MAST4: variants seen among roughly 807,000 people sequenced by gnomAD.
MAST4 encodes microtubule-associated serine/threonine-protein kinase 4.
MAST4 carries 89 observed loss-of-function variants against 162.7 expected under a neutral mutation model. The ratio of observed to expected loss-of-function variants is 0.55; its 90% CI spans 0.46 to 0.65. The LOEUF (loss-of-function observed/expected upper bound fraction) is 0.65. Ranked by LOEUF, MAST4 falls within the 30% of genes least tolerant of loss-of-function variation. MAST4 has a pLI of 0.00. For synonymous variants in MAST4, 1,479 were observed against 1,361.1 expected (o/e 1.09, Z -1.91); for missense variants, 3,153 against 3,374.0 (o/e 0.93, Z 1.62).
At chr5:67,039,231 G>C (rs973309710) in intron 4 of MAST4, among the ~76,000 whole-genome samples, 1 of 152,172 alleles carries the variant, frequency 6.6e-6, no homozygotes, top group South Asian at 2.1e-4. Context: ...TTTTCAGTAA[G>C]TTGAGGCATC....
chr5:67,052,580 ATTTAGT>A (rs1371201567), intron 4 of MAST4, among the ~76,000 whole-genome samples: 1 of 152,078 alleles, frequency 6.6e-6, no homozygotes, highest in African/African-American at 2.4e-5. Context: ...CATTTTCTAA[ATTTAGT>A]TTTAAGTATA....
intron 5 of MAST4, among the ~76,000 whole-genome samples, chr5:67,066,887 A>G (rs1194154993): frequency 6.6e-6 from 1 of 152,236 alleles, no homozygotes; most frequent in African/African-American, 2.4e-5. Context: ...ATGACATTTA[A>G]TAAGCATCAA....
chr5:67,085,245 G>A (rs1415302168), intron 5 of MAST4, among the ~76,000 whole-genome samples: 3 of 151,946 alleles, frequency 2.0e-5, no homozygotes, highest in Non-Finnish European at 4.4e-5. Flanking sequence ...CCATTTTTCA[G>A]CAAATCCCGT....
At chr5:66,868,433 A>G (rs71594479) in intron 3 of MAST4, among the ~76,000 whole-genome samples, 1,669 of 150,804 alleles carry the variant, frequency 0.011, 19 homozygotes, top group South Asian at 0.05. Flanking sequence ...ATATATGTAT[A>G]TACATATATA....
chr5:67,064,124 TAGTG>T (rs1328313155), intron 5 of MAST4, among the ~76,000 whole-genome samples: 3 of 152,026 alleles, frequency 2.0e-5, no homozygotes, highest in Non-Finnish European at 4.4e-5. Flanking sequence ...GTATTTAAAA[TAGTG>T]AGAGGGGAGG....
At chr5:66,597,635 C>T (rs1450889369) in intron 1 of MAST4, among the ~76,000 whole-genome samples, 1 of 152,250 alleles carries the variant, frequency 6.6e-6, no homozygotes, top group Non-Finnish European at 1.5e-5. Flanking sequence ...CCCGTTCAGA[C>T]TTGTTTCCAG....
chr5:66,911,726 C>A (rs1763792008), intron 4 of MAST4, among the ~76,000 whole-genome samples: 1 of 151,726 alleles, frequency 6.6e-6, no homozygotes, highest in African/African-American at 2.4e-5. Flanking sequence ...AGAGTGGTAC[C>A]CTGTCTCTAA....
At chr5:66,610,616 G>A (rs114422068) in intron 1 of MAST4, among the ~76,000 whole-genome samples, 51 of 152,296 alleles carry the variant, frequency 3.3e-4, no homozygotes, top group African/African-American at 1.1e-3. Context: ...TCCACTGGGG[G>A]TGCTGAAGGC....
intron 4 of MAST4, among the ~76,000 whole-genome samples, chr5:66,914,285 T>C (rs1561440406): frequency 1.3e-5 from 2 of 152,058 alleles, no homozygotes; most frequent in Admixed American, 6.6e-5. Context: ...GCTGATACAG[T>C]GTGGAAAGAT....
chr5:66,819,798 G>A (rs114403462), intron 3 of MAST4, among the ~76,000 whole-genome samples: 2,204 of 141,384 alleles, frequency 0.016, 59 homozygotes, highest in African/African-American at 0.053. Flanking sequence ...TTTTCCAACA[G>A]GGTCTCACTC....
intron 1 of MAST4, among the ~76,000 whole-genome samples, chr5:66,744,894 GTATAAAGTTTAT>G (rs150349886): frequency 0.017 from 2,600 of 152,300 alleles, 39 homozygotes; most frequent in South Asian, 0.051. Flanking sequence ...CCAGAAACTT[GTATAAAGTTTAT>G]TTTTGGCTTC....
At chr5:66,764,542 G>C (rs115209102) in intron 2 of MAST4, among the ~76,000 whole-genome samples, 9 of 151,954 alleles carry the variant, frequency 5.9e-5, no homozygotes, top group Non-Finnish European at 1.3e-4. Flanking sequence ...GAACTGAAAA[G>C]CTCCTATTAT....
At position 67,164,224 on chromosome 5, in the gene MAST4, A is replaced by G. The variant is rs780391026; in HGVS notation, c.5045A>G (p.Lys1682Arg). 1.2e-6 allele frequency: 2 copies of G among 1,613,826 alleles called. No homozygotes were observed. The highest frequency in any genetic ancestry group is 1.7e-6 in the Non-Finnish European group (2 of 1,179,812). Residue 1682 changes from lysine to arginine, a missense_variant, in exon 29 of 29, where the codon AAG becomes AGG. Coordinates refer to ENST00000403625, the MANE Select transcript of MAST4 (RefSeq NM_001164664.2). The surrounding 1 kb of genome is among the most constrained non-coding windows in gnomAD (Gnocchi z 5.3). ...CTCCGATGTGAAAAGTTAGACAGCA[A>G]GCTGGCCAACATCGATTACCTCCGA... is the stretch of plus-strand genomic sequence containing the variant. ...ELLRCEKLDS[K>R]LANIDYLRKK... is the part of the protein sequence containing the mutation.
intron 4 of MAST4, among the ~76,000 whole-genome samples, chr5:67,049,009 A>ATATATATATATACGTG (rs1491461311): frequency 8.0e-6 from 1 of 125,430 alleles, no homozygotes; most frequent in Admixed American, 8.3e-5. Flanking sequence ...ATACACACAC[A>ATATATATATATACGTG]TATATATATA....
intron 4 of MAST4, among the ~76,000 whole-genome samples, chr5:67,015,073 G>T (rs374334726): frequency 6.6e-6 from 1 of 152,138 alleles, no homozygotes. Context: ...TGAGGGAAAA[G>T]GGTTCTGACT....
intron 6 of MAST4, among the ~76,000 whole-genome samples, chr5:67,093,345 C>G (rs1458494666): frequency 6.6e-6 from 1 of 152,138 alleles, no homozygotes; most frequent in African/African-American, 2.4e-5. Flanking sequence ...TTGTTGGTAA[C>G]TACTGCAAAG....
intron 7 of MAST4, among the ~76,000 whole-genome samples, chr5:67,098,746 A>T (rs193145379): frequency 4.1e-4 from 62 of 152,224 alleles, no homozygotes; most frequent in African/African-American, 1.4e-3. Flanking sequence ...AAGTCAATAG[A>T]TACTGTTCCT....
At chr5:67,004,090 C>T (rs1751629676) in intron 4 of MAST4, 1 of 152,268 alleles carries the variant, frequency 6.6e-6, no homozygotes, top group African/African-American at 2.4e-5. Context: ...CAGCACACAC[C>T]CGGAGCAGCC....
At chr5:66,623,884 T>G (rs1744235552) in intron 1 of MAST4, among the ~76,000 whole-genome samples, 1 of 152,162 alleles carries the variant, frequency 6.6e-6, no homozygotes, top group Admixed American at 6.5e-5. Flanking sequence ...TCACAAAAAC[T>G]GTTAGAACTG....
Sources: allele counts gnomAD v4.1 joint callset (sites outside exome capture counted in the v4.1 genomes callset), GRCh38; gene constraint gnomAD v4.1.1; non-coding constraint Gnocchi (gnomAD v3.1); transcripts MANE v1.5; gene names NCBI Gene and HGNC (gene_info 2026-07-23, HGNC 2026-07-21).